Variants in COL5A1 observed in about 807,000 individuals in gnomAD.
COL5A1 encodes collagen alpha-1(V) chain.
In COL5A1, 16 loss-of-function variants were observed where a neutral mutation model predicts 263.7. That is an observed-to-expected ratio of 0.06 (90% confidence interval 0.04 to 0.09). The LOEUF (loss-of-function observed/expected upper bound fraction) is 0.09. Among genes scored for constraint, COL5A1 ranks in the 10% least tolerant of loss-of-function variants. The pLI, the probability that COL5A1 is intolerant of heterozygous loss-of-function variation, is 1.00. For missense variants in COL5A1, 2,036 were observed against 2,540.5 expected (o/e 0.80, Z 4.27); for synonymous variants, 1,012 against 1,004.5 (o/e 1.01, Z -0.14).
In COL5A1 at chr9:134,776,270, T is replaced by C. The variant is rs1289253083; in HGVS notation, c.2385+1358T>C. 2.0e-5 allele frequency among the ~76,000 whole-genome samples: 3 copies of C among 152,244 alleles called. No individual in the cohort carries two copies. In the East Asian group the frequency reaches 5.8e-4, roughly 29 times the overall value. On this transcript the variant is annotated intron_variant, in intron 27 of 65. Coordinates refer to ENST00000371817, the MANE Select transcript of COL5A1 (RefSeq NM_000093.5). ...GTAGAAATGCTGATTATGTGAGTTC[T>C]ATAGCATGTTTATTTTACAAATTCC... is the stretch of plus-strand genomic sequence containing the variant.
At chr9:134,812,381 A>G in intron 46 of COL5A1, 68 bp from the exon 47 acceptor site, 1 of 1,537,834 alleles carries the variant, frequency 6.5e-7, no homozygotes, top group Non-Finnish European at 9.0e-7. Context: ...GGAGGTCGTG[A>G]AAGCTGTGTG....
intron 65 of COL5A1, among the ~76,000 whole-genome samples, chr9:134,835,772 G>C (rs1429053039): frequency 6.6e-6 from 1 of 152,208 alleles, no homozygotes; most frequent in African/African-American, 2.4e-5. Flanking sequence ...GCTGGTATTG[G>C]CGCTCATACC....
intron 4 of COL5A1, among the ~76,000 whole-genome samples, chr9:134,702,710 G>A (rs1360964293): frequency 2.0e-5 from 3 of 152,264 alleles, no homozygotes; most frequent in South Asian, 2.1e-4. Flanking sequence ...TGGGGACCAC[G>A]TAGTGTCACT....
intron 40 of COL5A1, 27 bp downstream of exon 40, chr9:134,805,091 A>C (rs1209954277): frequency 3.1e-6 from 5 of 1,613,672 alleles, no homozygotes; most frequent in Non-Finnish European, 4.2e-6. Context: ...GCGGGGAATG[A>C]AATGGGACAG....
At chr9:134,725,248 G>T (rs114328706) in intron 4 of COL5A1, among the ~76,000 whole-genome samples, 1,990 of 152,262 alleles carry the variant, frequency 0.013, 41 homozygotes, top group African/African-American at 0.045. Context: ...GCTGCTGGGG[G>T]ACCCTGGACA....
rs1043273986 is a variant in COL5A1, at chr9:134,652,519, C to T, written c.109+10223C>T. Among the ~76,000 whole-genome samples, 1 of 152,154 alleles carries T rather than the reference C, an allele frequency of 6.6e-6. No homozygotes were observed. The highest frequency in any genetic ancestry group is 6.5e-5 in the Admixed American group (1 of 15,284). ...GCCATTTGGGGACATGTGGCAATGTCTGGAGATGTTTTCTGATTGTCGCAC... is the reference window on the plus strand; with the variant it reads ...GCCATTTGGGGACATGTGGCAATGTTTGGAGATGTTTTCTGATTGTCGCAC... On this transcript the variant is annotated intron_variant, in intron 1 of 65. Transcript: ENST00000371817. The surrounding 1 kb of genome is among the most constrained non-coding windows in gnomAD (Gnocchi z 4.4).
intron 14 of COL5A1, 70 bp from the exon 15 acceptor site, chr9:134,753,759 TCCCCCTGCCCCTCCCCTGCCA>T: frequency 6.8e-5 from 37 of 540,622 alleles, no homozygotes; most frequent in Middle Eastern, 5.7e-4. Context: ...CCCTGTCCCC[TCCCCCTGCCCCTCCCCTGCCA>T]CCCCCAGCCC....
chr9:134,767,285 C>T (rs1362779781), intron 23 of COL5A1, 25 bp from the exon 24 acceptor site: 4 of 1,613,530 alleles, frequency 2.5e-6, no homozygotes, highest in Non-Finnish European at 3.4e-6. Flanking sequence ...CTCACCTTCC[C>T]TTTCTGGCTC....
chr9:134,831,540 G>A (rs933545585), intron 64 of COL5A1, among the ~76,000 whole-genome samples: 5 of 152,332 alleles, frequency 3.3e-5, no homozygotes, highest in Non-Finnish European at 5.9e-5. Flanking sequence ...GGGACAGAGC[G>A]TAGGGGATGC....
rs79036247 is a variant in COL5A1, at chr9:134,740,708, G to A, written c.1494+1900G>A. ...GGTGCTGGTTCACACCTCACCATGC[G>A]GTCCCTGCCTTTGGGCTGATCCTGG... On this transcript the variant is annotated intron_variant, in intron 11 of 65. Transcript: ENST00000371817. Among the ~76,000 whole-genome samples, 513 of 151,980 alleles carry A rather than the reference G, an allele frequency of 3.4e-3. 2 individuals carry two copies. The highest frequency in any genetic ancestry group is 0.012 in the African/African-American group (498 of 41,452).
In COL5A1 at chr9:134,700,673, T is replaced by G. The variant is rs1833639106; in HGVS notation, c.492-498T>G. On this transcript the variant is annotated intron_variant, in intron 3 of 65. Coordinates refer to ENST00000371817, the MANE Select transcript of COL5A1 (RefSeq NM_000093.5). The surrounding 1 kb of genome is among the most constrained non-coding windows in gnomAD (Gnocchi z 4.0). ...TTCTTCGCCAAGACTTTCAGACAGA[T>G]CCACTCCTTCCACCATTTCCCGTCC... Among the ~76,000 whole-genome samples the G allele has an allele frequency of 6.6e-6, 1 of 152,204 alleles. No homozygotes were observed. Among genetic ancestry groups the G allele is most frequent in the Non-Finnish European group, 1.5e-5 (1 of 68,040 alleles).
At chr9:134,648,630 C>T (rs1333852903) in intron 1 of COL5A1, among the ~76,000 whole-genome samples, 2 of 152,138 alleles carry the variant, frequency 1.3e-5, no homozygotes, top group Non-Finnish European at 2.9e-5. Flanking sequence ...AGAGTAAGAC[C>T]CCATTACTGC....
intron 44 of COL5A1, 70 bp from the exon 45 acceptor site, chr9:134,811,269 C>G (rs372245166): frequency 7.1e-7 from 1 of 1,414,440 alleles, no homozygotes; most frequent in Non-Finnish European, 1.0e-6. Context: ...GCTCAGGATG[C>G]GGTCCACCCC....
At chr9:134,674,097 AAC>A (rs1480659380) in intron 1 of COL5A1, among the ~76,000 whole-genome samples, 1 of 152,200 alleles carries the variant, frequency 6.6e-6, no homozygotes, top group African/African-American at 2.4e-5. Context: ...CACTTTGGAA[AAC>A]AGTTTGGCTG....
In COL5A1 at chr9:134,662,061, G is replaced by A. The variant is rs900837022; in HGVS notation, c.109+19765G>A. On this transcript the variant is annotated intron_variant, in intron 1 of 65. Coordinates refer to ENST00000371817, the MANE Select transcript of COL5A1 (RefSeq NM_000093.5). ...TCCGTAATCCAGCCCTCCCTGTGCT[G>A]AGTTTAAGCCCAAATGAAATTACTG... is the stretch of plus-strand genomic sequence containing the variant. Among the ~76,000 whole-genome samples the A allele has an allele frequency of 4.0e-5, 6 of 150,778 alleles. 1 individual carries two copies. The highest frequency in any genetic ancestry group is 4.0e-4 in the Admixed American group (6 of 15,108).
At chr9:134,711,845 G>A (rs892568741) in intron 4 of COL5A1, among the ~76,000 whole-genome samples, 11 of 151,810 alleles carry the variant, frequency 7.2e-5, no homozygotes, top group African/African-American at 1.9e-4. Flanking sequence ...TCAGCGTCTC[G>A]TTCTCCAGCC....
Position 134,789,275 on chromosome 9 carries a change from T to G in COL5A1, c.2700+67T>G, listed in dbSNP as rs1265454947. 1.5e-6 allele frequency: 2 copies of G among 1,317,700 alleles called. No individual in the cohort carries two copies. Among genetic ancestry groups the G allele is most frequent in the Non-Finnish European group, 2.2e-6 (2 of 918,240 alleles). The allele number at this position is 1,317,700 out of a possible 1,614,324, so 81.6% of individuals were successfully genotyped here. A position where few individuals can be genotyped will look rare whatever the true frequency, so the allele number is the denominator to read the frequency against. ...GCCTCGGTGCCTAGCAAGTTGGTTC[T>G]CCAGCCGACGGCCTGTTTATTTCTC... On this transcript the variant is annotated intron_variant, in intron 32 of 65. Coordinates refer to ENST00000371817, the MANE Select transcript of COL5A1 (RefSeq NM_000093.5). This position sits in a 1 kb window ranked among gnomAD's most constrained non-coding sequence, Gnocchi z 4.8.
rs1352207961 is a variant in COL5A1, at chr9:134,812,635, C to T, written c.3775C>T (p.Pro1259Ser). The T allele has an allele frequency of 6.2e-7, 1 of 1,601,152 alleles. No individual in the cohort carries two copies. Among genetic ancestry groups the T allele is most frequent in the African/African-American group, 1.3e-5 (1 of 74,840 alleles). The change falls in exon 48 of 66, where the codon CCC (proline) becomes TCC (serine). Residue 1259 changes from proline to serine, a missense_variant. Physicochemically the swap from Pro to Ser is moderately conservative, Grantham distance 74. Around this residue, in one of 3 missense-constraint regions of COL5A1, gnomAD observed 1,078 missense variants for 1,521.4 expected, o/e 0.71. Coordinates refer to ENST00000371817, the MANE Select transcript of COL5A1 (RefSeq NM_000093.5). ...CCCGGGTCCCCCTGGCCCCCGAGGA[C>T]CCTCCGGAGCTCCAGGTGCTGATGG... The part of the protein sequence containing the change: ...GPPGPPGPRG[P>S]SGAPGADGPQ...
chr9:134,753,759 T>TACCCCAGCCC, intron 14 of COL5A1, 91 bp from the exon 15 acceptor site: 2 of 540,646 alleles, frequency 3.7e-6, no homozygotes, highest in Non-Finnish European at 3.7e-6. Context: ...CCCTGTCCCC[T>TACCCCAGCCC]CCCCCTGCCC....
Sources: gnomAD v4.1 joint callset for allele counts (sites outside exome capture counted in the v4.1 genomes callset) on GRCh38, gnomAD v4.1.1 for gene constraint, gnomAD v4.1.1 regional missense constraint, Gnocchi (gnomAD v3.1) non-coding constraint, MANE v1.5 for transcripts, NCBI Gene and HGNC (gene_info 2026-07-23, HGNC 2026-07-21) for gene names.